Variants in RIMS2 observed in about 807,000 individuals in gnomAD.
The protein encoded by RIMS2 is regulating synaptic membrane exocytosis protein 2.
In RIMS2, 59 loss-of-function variants were observed where a neutral mutation model predicts 174.4. The observed-to-expected ratio is 0.34, with a 90% CI of 0.27 to 0.42. The LOEUF (loss-of-function observed/expected upper bound fraction) is 0.42, where lower values mean the gene tolerates loss of function less well. RIMS2 is among the 10% of genes least tolerant of loss of function. RIMS2 has a pLI of 1.00. For missense variants in RIMS2, 1,620 were observed against 1,666.3 expected (o/e 0.97, Z 0.48); for synonymous variants, 606 against 572.5 (o/e 1.06, Z -0.84).
At position 103,604,143 on chromosome 8, in the gene RIMS2, A is replaced by C. The variant is rs899835599; in HGVS notation, c.177-92943A>C. On this transcript the variant is annotated intron_variant, in intron 1 of 23. Coordinates refer to ENST00000504942, the Ensembl canonical transcript of RIMS2. ...TTTTCTGGTTTTAGGTCTAACGTTTAAGTCTTTAATCCATCTTGAATTAAT... is the reference window on the plus strand; with the variant it reads ...TTTTCTGGTTTTAGGTCTAACGTTTCAGTCTTTAATCCATCTTGAATTAAT... 2.6e-3 allele frequency among the ~76,000 whole-genome samples: 391 copies of C among 149,740 alleles called. 3 individuals are homozygous for C. Among genetic ancestry groups the C allele is most frequent in the Non-Finnish European group, 4.3e-3 (288 of 67,236 alleles).
At chr8:103,967,813 G>C (rs2092287645) in intron 15 of RIMS2, among the ~76,000 whole-genome samples, 1 of 148,014 alleles carries the variant, frequency 6.8e-6, no homozygotes, top group Admixed American at 6.7e-5. Flanking sequence ...TTTTTGCTGT[G>C]GTGTCAGCTT....
chr8:103,817,050 T>C (rs1465315409), intron 3 of RIMS2, among the ~76,000 whole-genome samples: 1 of 152,190 alleles, frequency 6.6e-6, no homozygotes, highest in Non-Finnish European at 1.5e-5. Context: ...TAGTATGAGC[T>C]GTGAAATTGA....
intron 3 of RIMS2, among the ~76,000 whole-genome samples, chr8:103,861,208 C>T (rs11776873): frequency 0.19 from 28,521 of 151,378 alleles, 3,166 homozygotes; most frequent in South Asian, 0.34. Flanking sequence ...TTAGCTCCCA[C>T]TTACAAGTGA....
intron 12 of RIMS2, 45 bp from the exon 15 acceptor site, chr8:103,936,506 C>T (rs1434371261): frequency 3.1e-6 from 4 of 1,306,052 alleles, no homozygotes; most frequent in African/African-American, 3.0e-5. Flanking sequence ...TAGGACAAAA[C>T]TTATAGTTCT....
intron 17 of RIMS2, among the ~76,000 whole-genome samples, chr8:103,997,301 G>A (rs2095165364): frequency 6.6e-6 from 1 of 151,690 alleles, no homozygotes; most frequent in African/African-American, 2.4e-5. Flanking sequence ...ATGGGAAGCA[G>A]GATTACAAGT....
At chr8:103,827,382 T>C (rs2098797859) in intron 3 of RIMS2, among the ~76,000 whole-genome samples, 1 of 152,232 alleles carries the variant, frequency 6.6e-6, no homozygotes, top group African/African-American at 2.4e-5. Context: ...TGTTATGCTA[T>C]TCTGTGTAAG....
chr8:103,548,340 G>A (rs1179746023), intron 1 of RIMS2, among the ~76,000 whole-genome samples: 2 of 152,108 alleles, frequency 1.3e-5, no homozygotes, highest in Non-Finnish European at 2.9e-5. Context: ...TTATCTCTGG[G>A]ATACAAGTTT....
chr8:104,137,733 A>C (rs547794261), intron 19 of RIMS2, among the ~76,000 whole-genome samples: 1 of 152,288 alleles, frequency 6.6e-6, no homozygotes, highest in Non-Finnish European at 1.5e-5. Flanking sequence ...TAACTGCTTC[A>C]CATATATGTT....
At chr8:103,949,887 G>A (rs2084900291) in intron 14 of RIMS2, among the ~76,000 whole-genome samples, 1 of 152,050 alleles carries the variant, frequency 6.6e-6, no homozygotes, top group Non-Finnish European at 1.5e-5. Flanking sequence ...TAAGCCTTTA[G>A]GCAAAATGAT....
At chr8:103,951,909 T>C (rs1056730541) in intron 14 of RIMS2, among the ~76,000 whole-genome samples, 1 of 152,156 alleles carries the variant, frequency 6.6e-6, no homozygotes, top group Admixed American at 6.5e-5. Context: ...CGCTTGAGCT[T>C]GGTGTGGGGA....
intron 19 of RIMS2, among the ~76,000 whole-genome samples, chr8:104,211,763 C>T (rs752918502): frequency 1.3e-5 from 2 of 152,140 alleles, no homozygotes; most frequent in Non-Finnish European, 2.9e-5. Flanking sequence ...ATCTGCCCAA[C>T]TCGGCCTCCC....
chr8:104,044,639 A>C (rs1270263121), intron 19 of RIMS2, among the ~76,000 whole-genome samples: 1 of 151,776 alleles, frequency 6.6e-6, no homozygotes, highest in Non-Finnish European at 1.5e-5. Context: ...TAGTTAACTA[A>C]ACATAATTTG....
chr8:103,662,693 T>G (rs575116733), intron 1 of RIMS2, among the ~76,000 whole-genome samples: 7 of 151,114 alleles, frequency 4.6e-5, no homozygotes, highest in South Asian at 2.1e-4. Flanking sequence ...TATCTATCTA[T>G]CTATCTATCT....
At chr8:103,957,342 A>G (rs893475092) in intron 14 of RIMS2, among the ~76,000 whole-genome samples, 2 of 152,236 alleles carry the variant, frequency 1.3e-5, no homozygotes, top group African/African-American at 4.8e-5. Flanking sequence ...AAAGACTTGG[A>G]ACCAACCCAA....
intron 3 of RIMS2, among the ~76,000 whole-genome samples, chr8:103,820,730 A>T (rs1289589012): frequency 6.6e-6 from 1 of 151,896 alleles, no homozygotes; most frequent in Middle Eastern, 3.4e-3. Context: ...TCCTCAATCC[A>T]GTTCTGTTCA....
intron 14 of RIMS2, 82 bp downstream of exon 16, chr8:103,943,008 A>T (rs2082891195): frequency 1.0e-6 from 1 of 971,282 alleles, no homozygotes; most frequent in Non-Finnish European, 1.5e-6. Context: ...ACTTGAAGAT[A>T]TCTTTGTGAA....
At chr8:104,233,980 G>A (rs527467938) in intron 19 of RIMS2, among the ~76,000 whole-genome samples, 1 of 152,204 alleles carries the variant, frequency 6.6e-6, no homozygotes, top group African/African-American at 2.4e-5. Context: ...TGGCCAATAG[G>A]CTCTCTCCCC....
intron 19 of RIMS2, among the ~76,000 whole-genome samples, chr8:104,220,714 A>G (rs1343065463): frequency 6.6e-6 from 1 of 151,990 alleles, no homozygotes; most frequent in African/African-American, 2.4e-5. Flanking sequence ...CCTTTGTCCT[A>G]TCTTAGCCTC....
At chr8:103,781,503 G>A (rs2098387930) in intron 3 of RIMS2, among the ~76,000 whole-genome samples, 1 of 152,044 alleles carries the variant, frequency 6.6e-6, no homozygotes, top group Admixed American at 6.6e-5. Context: ...AAGTTATTTT[G>A]TTCAAAATGA....
Sources: allele counts gnomAD v4.1 joint callset (sites outside exome capture counted in the v4.1 genomes callset), GRCh38; gene constraint gnomAD v4.1.1; transcripts MANE v1.5; gene names NCBI Gene and HGNC (gene_info 2026-07-23, HGNC 2026-07-21).